The following UMAD1 variants were observed in gnomAD, a reference collection of about 807,000 sequenced individuals.
UMAD1 encodes the protein UBAP1-MVB12-associated (UMA)-domain containing protein 1.
A neutral mutation model predicts 6.1 loss-of-function variants in UMAD1; 8 were observed. The observed-to-expected ratio is 1.30, with a 90% CI of 0.76 to 2.35. The LOEUF (loss-of-function observed/expected upper bound fraction) is 2.35, where lower values mean the gene tolerates loss of function less well. Among genes scored for constraint, UMAD1 ranks in the 30% most tolerant of loss-of-function variants. The pLI is 0.00. For synonymous variants in UMAD1, 56 were observed against 31.4 expected, an observed-to-expected ratio of 1.78 and a Z score of -2.61; for missense variants, 130 against 78.4, an observed-to-expected ratio of 1.66 and a Z score of -2.49.
chr7:7,829,818 A>G (rs896238931), intron 3 of UMAD1, among the ~76,000 whole-genome samples: 2 of 152,194 alleles, frequency 1.3e-5, no homozygotes, highest in Non-Finnish European at 2.9e-5. Context: ...CCTTGGTCAC[A>G]TAGGATTAAG....
At chr7:7,744,818 A>G (rs1307064384) in intron 2 of UMAD1, among the ~76,000 whole-genome samples, 1 of 152,146 alleles carries the variant, frequency 6.6e-6, no homozygotes, top group Non-Finnish European at 1.5e-5. Context: ...TCTAGATACA[A>G]GCCTATTACC....
chr7:7,712,175 A>G (rs979835558), intron 2 of UMAD1, among the ~76,000 whole-genome samples: 3 of 152,136 alleles, frequency 2.0e-5, no homozygotes, highest in Non-Finnish European at 4.4e-5. Context: ...GCTTTTCTAT[A>G]TAATGAAGCA....
intron 2 of UMAD1, among the ~76,000 whole-genome samples, chr7:7,705,695 C>T (rs1261327197): frequency 6.6e-6 from 1 of 151,996 alleles, no homozygotes; most frequent in Non-Finnish European, 1.5e-5. Context: ...TGAAACTACT[C>T]TTATGTTAAT....
intron 2 of UMAD1, among the ~76,000 whole-genome samples, chr7:7,695,414 T>C (rs1227894137): frequency 1.3e-5 from 2 of 152,224 alleles, no homozygotes; most frequent in Non-Finnish European, 2.9e-5. Context: ...CTTGTCTTTC[T>C]GTCTTTTCTA....
chr7:7,709,581 A>G (rs1470038925), intron 2 of UMAD1, among the ~76,000 whole-genome samples: 1 of 152,246 alleles, frequency 6.6e-6, no homozygotes, highest in Non-Finnish European at 1.5e-5. Context: ...TTGTGGGATA[A>G]GAATGGTTTG....
At chr7:7,753,208 T>C (rs534468950) in intron 2 of UMAD1, among the ~76,000 whole-genome samples, 16 of 152,240 alleles carry the variant, frequency 1.1e-4, no homozygotes, top group Non-Finnish European at 1.5e-4. Context: ...CAGGCATACA[T>C]TGTGTAATAA....
intron 2 of UMAD1, among the ~76,000 whole-genome samples, chr7:7,743,256 T>TA (rs781170013): frequency 6.4e-4 from 98 of 152,198 alleles, no homozygotes; most frequent in Non-Finnish European, 1.1e-3. Flanking sequence ...TGTGAATTGT[T>TA]ATGCAAAATC....
rs1256780089 is a variant in UMAD1 at position 7,877,420 on chromosome 7, C to T, written c.296C>T (p.Ala99Val). The T allele has an allele frequency of 1.4e-6, 1 of 717,706 alleles. No individual in the cohort carries two copies. The highest frequency in any genetic ancestry group is 2.7e-5 in the East Asian group (1 of 37,294). 44.5% of individuals were successfully genotyped at this position (717,706 alleles called of 1,614,324 possible). ...TTCACCCTGGCCCCGCATGTGCTGGCAGTACAGGGCACCATCACTGACCTT... is the reference window on the plus strand; with the variant it reads ...TTCACCCTGGCCCCGCATGTGCTGGTAGTACAGGGCACCATCACTGACCTT... ...VPFTLAPHVL[A>V]VQGTITDLPD... The change falls in exon 4 of 4, where the codon GCA (alanine) becomes GTA (valine). Residue 99 changes from alanine (A) to valine (V), a missense_variant. By Grantham distance (64) the Ala-to-Val change is moderately conservative. Transcript: ENST00000682710.
intron 2 of UMAD1, among the ~76,000 whole-genome samples, chr7:7,769,614 T>C (rs1369320294): frequency 2.6e-5 from 4 of 152,138 alleles, no homozygotes; most frequent in Non-Finnish European, 4.4e-5. Flanking sequence ...TCAAATTTAT[T>C]GTGGAATGTT....
intron 3 of UMAD1, among the ~76,000 whole-genome samples, chr7:7,831,982 G>A (rs769589562): frequency 6.6e-6 from 1 of 152,128 alleles, no homozygotes; most frequent in Non-Finnish European, 1.5e-5. Context: ...TGTGCAATTA[G>A]ATGTGTATGC....
chr7:7,687,470 G>C (rs4140805), intron 2 of UMAD1: 2 of 152,144 alleles, frequency 1.3e-5, no homozygotes, highest in Non-Finnish European at 2.9e-5. Context: ...GATGTATGTT[G>C]TAGGCAAAGG....
At chr7:7,749,384 G>A (rs1194859150) in intron 2 of UMAD1, among the ~76,000 whole-genome samples, 1 of 152,180 alleles carries the variant, frequency 6.6e-6, no homozygotes, top group African/African-American at 2.4e-5. Context: ...CCACGTGAAA[G>A]CTATGTGTCT....
At chr7:7,757,290 A>G (rs1251042986) in intron 2 of UMAD1, among the ~76,000 whole-genome samples, 3 of 152,220 alleles carry the variant, frequency 2.0e-5, no homozygotes, top group African/African-American at 7.2e-5. Context: ...AGAAAATAAA[A>G]TTATTCCAGA....
At chr7:7,716,831 A>G (rs1563150388) in intron 2 of UMAD1, among the ~76,000 whole-genome samples, 1 of 152,104 alleles carries the variant, frequency 6.6e-6, no homozygotes, top group Non-Finnish European at 1.5e-5. Context: ...CCATAATCCC[A>G]GCTACTCGGG....
chr7:7,736,358 C>T (rs981058364), intron 2 of UMAD1: 2 of 153,096 alleles, frequency 1.3e-5, no homozygotes, highest in Non-Finnish European at 1.5e-5. Flanking sequence ...CATGGATCTT[C>T]AGATCACAGT....
chr7:7,672,553 G>T (rs1437697479), intron 1 of UMAD1, among the ~76,000 whole-genome samples: 1 of 152,166 alleles, frequency 6.6e-6, no homozygotes, highest in African/African-American at 2.4e-5. Context: ...GGCAGGACCA[G>T]GTGTAGATAA....
At chr7:7,666,689 G>C (rs1779468006) in intron 1 of UMAD1, among the ~76,000 whole-genome samples, 1 of 151,828 alleles carries the variant, frequency 6.6e-6, no homozygotes. Context: ...TTATTGAGCT[G>C]TTTTTTCATT....
chr7:7,690,371 TA>T (rs1207823228), intron 2 of UMAD1, among the ~76,000 whole-genome samples: 2 of 152,172 alleles, frequency 1.3e-5, no homozygotes, highest in Non-Finnish European at 2.9e-5. Flanking sequence ...AAAATCACTT[TA>T]TAAAGTTTAA....
chr7:7,741,297 C>A (rs1052668906), intron 2 of UMAD1, among the ~76,000 whole-genome samples: 1 of 151,308 alleles, frequency 6.6e-6, no homozygotes, highest in Non-Finnish European at 1.5e-5. Context: ...TGTGGCCTGG[C>A]GCGGTGGCTC....
Sources: allele counts gnomAD v4.1 joint callset (sites outside exome capture counted in the v4.1 genomes callset), GRCh38; gene constraint gnomAD v4.1.1; transcripts MANE v1.5; gene names NCBI Gene and HGNC (gene_info 2026-07-23, HGNC 2026-07-21).